The following RTN1 variants were observed in gnomAD, a reference collection of about 807,000 sequenced individuals.
RTN1 encodes the protein reticulon-1.
A neutral mutation model predicts 65.5 loss-of-function variants in RTN1; 25 were observed. The ratio of observed to expected loss-of-function variants is 0.38; its 90% CI spans 0.28 to 0.53. The LOEUF (loss-of-function observed/expected upper bound fraction) is 0.53. Among genes scored for constraint, RTN1 ranks in the 20% least tolerant of loss-of-function variants. The pLI is 0.79. For missense variants in RTN1, 983 were observed against 1,025.4 expected (o/e 0.96, Z 0.57); for synonymous variants, 471 against 447.6 (o/e 1.05, Z -0.66).
At chr14:59,674,505 A>C (rs538316556) in intron 3 of RTN1, among the ~76,000 whole-genome samples, 222 of 152,368 alleles carry the variant, frequency 1.5e-3, no homozygotes, top group Non-Finnish European at 2.7e-3. Context: ...AGAGATGAAA[A>C]GATATTTTAA....
rs1269100861 is a variant in RTN1 at position 59,849,148 on chromosome 14, C to A, written c.241+21242G>T. ...AGTTGTCACCCCTACTTAGATTAACCAAATCATAGTTCAATACCCTGCTAT... is the reference window on the plus strand; with the variant it reads ...AGTTGTCACCCCTACTTAGATTAACAAAATCATAGTTCAATACCCTGCTAT... On this transcript the variant is annotated intron_variant, in intron 1 of 8. Coordinates refer to ENST00000267484, the MANE Select transcript of RTN1 (RefSeq NM_021136.3). The surrounding 1 kb of genome is among the most constrained non-coding windows in gnomAD (Gnocchi z 4.5). Among the ~76,000 whole-genome samples the A allele has an allele frequency of 2.6e-5, 4 of 152,252 alleles. No individual in the cohort carries two copies. Among genetic ancestry groups the A allele is most frequent in the South Asian group, 2.1e-4 (1 of 4,826 alleles).
intron 1 of RTN1, among the ~76,000 whole-genome samples, chr14:59,780,444 A>T (rs6573284): frequency 6.6e-6 from 1 of 151,998 alleles, no homozygotes; most frequent in Non-Finnish European, 1.5e-5. Context: ...AGGATGCTAG[A>T]GAAAAGAAAA....
At position 59,727,465 on chromosome 14, in the gene RTN1, C is replaced by G. The variant is rs1594703776; in HGVS notation, c.1219G>C (p.Glu407Gln). Residue 407 changes from glutamate (E) to glutamine (Q), a missense_variant, in exon 3 of 9, where the codon GAG (glutamate) becomes CAG (glutamine). Around this residue, in one of 2 missense-constraint regions of RTN1, gnomAD observed 818 missense variants for 801.8 expected, o/e 1.02. Transcript: ENST00000267484. This position sits in a 1 kb window ranked among gnomAD's most constrained non-coding sequence, Gnocchi z 4.2. ...SPLDHEASSA[E>Q]SGDSEIELVS... is the part of the protein sequence containing the mutation. ...AGCTCGATCTCTGAGTCCCCCGACT[C>G]CGCGCTGCTGGCCTCGTGGTCCAGG... 1 of 1,567,574 alleles carries G rather than the reference C, an allele frequency of 6.4e-7. No individual in the cohort carries two copies. The highest frequency in any genetic ancestry group is 8.6e-7 in the Non-Finnish European group (1 of 1,156,944).
At chr14:59,629,413 G>A (rs531952758) in intron 3 of RTN1, among the ~76,000 whole-genome samples, 12 of 152,292 alleles carry the variant, frequency 7.9e-5, no homozygotes, top group Admixed American at 2.6e-4. Flanking sequence ...AATTACAAGG[G>A]GAAGATGCCA....
intron 1 of RTN1, among the ~76,000 whole-genome samples, chr14:59,773,164 C>A (rs1013365734): frequency 2.6e-5 from 4 of 152,020 alleles, no homozygotes; most frequent in Non-Finnish European, 5.9e-5. Context: ...TTTGAAGTAG[C>A]TTGTCATCTA....
chr14:59,718,017 C>T (rs9323354), intron 3 of RTN1, among the ~76,000 whole-genome samples: 71,436 of 152,046 alleles, frequency 0.47, 18,803 homozygotes, highest in African/African-American at 0.71. Flanking sequence ...AAACTGCTTC[C>T]GATATAAATG....
At chr14:59,770,120 G>A (rs1450297633) in intron 1 of RTN1, among the ~76,000 whole-genome samples, 1 of 152,108 alleles carries the variant, frequency 6.6e-6, no homozygotes, top group East Asian at 1.9e-4. Context: ...GCTCATGCCT[G>A]TAATCCCAGC....
At chr14:59,647,026 G>A (rs1436891854) in intron 3 of RTN1, 1 of 153,504 alleles carries the variant, frequency 6.5e-6, no homozygotes, top group Non-Finnish European at 1.5e-5. Context: ...GGATAAAGAA[G>A]CAAGGCCCAA....
Position 59,764,382 on chromosome 14 carries a change from G to A in RTN1, c.242-17901C>T, listed in dbSNP as rs183096116. On this transcript the variant is annotated intron_variant, in intron 1 of 8. Coordinates refer to ENST00000267484, the MANE Select transcript of RTN1 (RefSeq NM_021136.3). ...GTTGTCCAGGCTGGAATGCAATGGC[G>A]CAACCTCGGCTCACTGCAACCTCCG... 2.9e-3 allele frequency among the ~76,000 whole-genome samples: 439 copies of A among 151,414 alleles called. 1 individual carries two copies. The highest frequency in any genetic ancestry group is 0.01 in the African/African-American group (426 of 41,248).
chr14:59,750,208 TA>T (rs1566713318), intron 1 of RTN1, among the ~76,000 whole-genome samples: 3 of 26,360 alleles, frequency 1.1e-4, no homozygotes, highest in Admixed American at 1.7e-3. Context: ...CTATAATATA[TA>T]ATATATATAT....
intron 3 of RTN1, among the ~76,000 whole-genome samples, chr14:59,639,312 A>G (rs917709408): frequency 3.9e-5 from 6 of 152,252 alleles, no homozygotes; most frequent in Non-Finnish European, 8.8e-5. Flanking sequence ...TATAAGAATC[A>G]GCAAAATGTT....
intron 1 of RTN1, among the ~76,000 whole-genome samples, chr14:59,787,667 G>A (rs987040055): frequency 1.3e-5 from 2 of 152,174 alleles, no homozygotes; most frequent in Admixed American, 6.5e-5. Context: ...TGTGCCAAAA[G>A]TGGGCAGAAT....
Position 59,793,294 on chromosome 14 carries a change from G to A in RTN1, c.242-46813C>T, listed in dbSNP as rs116631921. Reference sequence around the variant, plus strand: ...CTGATTACCCAGTGGTATTCATCCCGGGACAGAAGCAGAGTTCTATCCTAG... The same window carrying A: ...CTGATTACCCAGTGGTATTCATCCCAGGACAGAAGCAGAGTTCTATCCTAG... On this transcript the variant is annotated intron_variant, in intron 1 of 8. Coordinates refer to ENST00000267484, the MANE Select transcript of RTN1 (RefSeq NM_021136.3). Among the ~76,000 whole-genome samples the A allele has an allele frequency of 6.6e-3, 1,010 of 152,172 alleles. 14 individuals are homozygous for A. The highest frequency in any genetic ancestry group is 0.023 in the African/African-American group (960 of 41,508).
chr14:59,661,173 C>T (rs1048271390), intron 3 of RTN1, among the ~76,000 whole-genome samples: 11 of 146,912 alleles, frequency 7.5e-5, no homozygotes, highest in Middle Eastern at 7.7e-3. Flanking sequence ...ATACACCCTC[C>T]CAAGGCTAAA....
chr14:59,683,685 A>G (rs1883788053), intron 3 of RTN1, among the ~76,000 whole-genome samples: 1 of 152,070 alleles, frequency 6.6e-6, no homozygotes, highest in South Asian at 2.1e-4. Flanking sequence ...TTCTATCTCC[A>G]TAGTAGGTCC....
chr14:59,739,412 G>A (rs1262500738), intron 2 of RTN1, among the ~76,000 whole-genome samples: 1 of 151,700 alleles, frequency 6.6e-6, no homozygotes, highest in Non-Finnish European at 1.5e-5. Context: ...ATGGTGGCGG[G>A]CACATGTAAT....
chr14:59,677,210 G>A (rs1474646816), intron 3 of RTN1, among the ~76,000 whole-genome samples: 1 of 152,186 alleles, frequency 6.6e-6, no homozygotes, highest in South Asian at 2.1e-4. Flanking sequence ...TTTGACTTAT[G>A]TTGATGCAAT....
At chr14:59,616,750 T>A (rs1882112576) in intron 3 of RTN1, among the ~76,000 whole-genome samples, 1 of 152,220 alleles carries the variant, frequency 6.6e-6, no homozygotes, top group Non-Finnish European at 1.5e-5. Context: ...AGGCAGTTTA[T>A]AATCAGATAT....
intron 3 of RTN1, among the ~76,000 whole-genome samples, chr14:59,707,502 T>C (rs1294564489): frequency 6.6e-6 from 1 of 152,204 alleles, no homozygotes; most frequent in African/African-American, 2.4e-5. Flanking sequence ...AAGTCTGCTT[T>C]GTTCTCCACT....
Sources: gnomAD v4.1 joint callset for allele counts (sites outside exome capture counted in the v4.1 genomes callset) on GRCh38, gnomAD v4.1.1 for gene constraint, gnomAD v4.1.1 regional missense constraint, Gnocchi (gnomAD v3.1) non-coding constraint, MANE v1.5 for transcripts, NCBI Gene and HGNC (gene_info 2026-07-23, HGNC 2026-07-21) for gene names.